SVEP1: variants seen among roughly 807,000 people sequenced by gnomAD.
SVEP1 encodes the protein sushi, von Willebrand factor type A, EGF and pentraxin domain-containing protein 1.
In SVEP1, 164 loss-of-function variants were observed where a neutral mutation model predicts 367.3. That is an observed-to-expected ratio of 0.45 (90% CI 0.39 to 0.51). SVEP1 has a LOEUF of 0.51. SVEP1 is among the 20% of genes least tolerant of loss of function. The pLI is 0.00. For missense variants in SVEP1, 4,117 were observed against 4,425.3 expected, an observed-to-expected ratio of 0.93 and a Z score of 1.98; for synonymous variants, 1,666 against 1,611.6, an observed-to-expected ratio of 1.03 and a Z score of -0.81.
intron 1 of SVEP1, among the ~76,000 whole-genome samples, chr9:110,554,222 T>C (rs1294752218): frequency 6.6e-6 from 1 of 152,194 alleles, no homozygotes; most frequent in Non-Finnish European, 1.5e-5. Context: ...TTTTTCTCTC[T>C]ATTAAAATGT....
At position 110,472,176 on chromosome 9, in the gene SVEP1, A is replaced by G. The variant is rs202197266; in HGVS notation, c.2747T>C (p.Leu916Ser). Residue 916 changes from leucine (L) to serine (S), a missense_variant, in exon 15 of 48, where the codon TTA becomes TCA. Leu to Ser is a moderately radical substitution (Grantham distance 145). Transcript: ENST00000374469. The stretch of plus-strand genomic sequence containing the variant: ...ATCCTTACCTGTGATGTTAAAAATT[A>G]ACTTAATTTTATAGTCAGATAATGG... Reference protein sequence around the residue: ...SAPLSDYKIKLIFNITASVPL... With the variant: ...SAPLSDYKIKSIFNITASVPL... 2.6e-5 allele frequency: 42 copies of G among 1,611,078 alleles called. No individual in the cohort carries two copies. In the African/African-American group the frequency reaches 5.2e-4, roughly 20 times the overall value.
intron 18 of SVEP1, among the ~76,000 whole-genome samples, chr9:110,461,204 T>C (rs1828852520): frequency 6.6e-6 from 1 of 152,176 alleles, no homozygotes; most frequent in Non-Finnish European, 1.5e-5. Context: ...TCCTCCATGA[T>C]GTTTTGTTGC....
chr9:110,424,318 A>C (rs1164851357), intron 36 of SVEP1, among the ~76,000 whole-genome samples: 3 of 151,134 alleles, frequency 2.0e-5, no homozygotes, highest in Middle Eastern at 6.8e-3. Context: ...AAATAAATTC[A>C]GTTGATTTAC....
Position 110,411,119 on chromosome 9 carries a change from T to C in SVEP1, c.6592A>G (p.Thr2198Ala). Residue 2198 changes from threonine to alanine, a missense_variant, in exon 37 of 48, where the codon ACG becomes GCG. Physicochemically the swap from Thr to Ala is moderately conservative, Grantham distance 58. Coordinates refer to ENST00000374469, the MANE Select transcript of SVEP1 (RefSeq NM_153366.4). ...TCACCACAAGATACCGGGTGGCACG[T>C]CGGTATAGGACTACTCCACTGCCCT... is the stretch of plus-strand genomic sequence containing the variant. ...ATGQWSSPIP[T>A]CHPVSCGEPP... The C allele has an allele frequency of 6.2e-7, 1 of 1,611,110 alleles. No homozygotes were observed. The highest frequency in any genetic ancestry group is 8.5e-7 in the Non-Finnish European group (1 of 1,178,346).
chr9:110,375,392 A>T lies in SVEP1; in HGVS notation c.10576T>A (p.Trp3526Arg). Residue 3526 changes from tryptophan (W) to arginine (R), a missense_variant, in exon 46 of 48, where the codon TGG (tryptophan) becomes AGG (arginine). Transcript: ENST00000374469. ...CCTGTATGACAGCGAGACCCCGTCCAGCCAGGCGGGCAGTCACACTGGTAA... is the reference window on the plus strand; with the variant it reads ...CCTGTATGACAGCGAGACCCCGTCCTGCCAGGCGGGCAGTCACACTGGTAA... Reference protein sequence around the residue: ...APYQCDCPPGWTGSRCHTAVC... With the variant: ...APYQCDCPPGRTGSRCHTAVC... 1 of 1,520,950 alleles carries T rather than the reference A, an allele frequency of 6.6e-7. No homozygotes were observed. The allele number at this position is 1,520,950 out of a possible 1,614,324, so 94.2% of individuals were successfully genotyped here.
intron 6 of SVEP1, 58 bp from the exon 7 acceptor site, chr9:110,499,296 G>T: frequency 6.7e-7 from 1 of 1,500,576 alleles, no homozygotes; most frequent in Non-Finnish European, 9.1e-7. Context: ...GAAATGCCAT[G>T]GATTCTTTTT....
intron 3 of SVEP1, among the ~76,000 whole-genome samples, chr9:110,545,694 T>C (rs1830211400): frequency 6.6e-6 from 1 of 152,148 alleles, no homozygotes; most frequent in East Asian, 1.9e-4. Flanking sequence ...TTAGACTAAT[T>C]ACAAAGACCC....
Position 110,432,615 on chromosome 9 carries a change from G to A in SVEP1, c.5080C>T (p.Pro1694Ser), listed in dbSNP as rs1828368079. The change falls in exon 31 of 48, where the codon CCT (proline) becomes TCT (serine). Residue 1694 changes from proline (P) to serine (S), a missense_variant. Around this residue, in one of 4 missense-constraint regions of SVEP1, gnomAD observed 2,174 missense variants for 2,494.3 expected, o/e 0.87. Coordinates refer to ENST00000374469, the MANE Select transcript of SVEP1 (RefSeq NM_153366.4). Reference sequence around the variant, plus strand: ...GAATGGAAGCCATTCTCCAAAGGAGGTGGCACCCCACAGCTAATGCCTGTA... The same window carrying A: ...GAATGGAAGCCATTCTCCAAAGGAGATGGCACCCCACAGCTAATGCCTGTA... ...HCERISCGVP[P>S]PLENGFHSAD... 12 of 1,613,030 alleles carry A rather than the reference G, an allele frequency of 7.4e-6. No homozygotes were observed. Among genetic ancestry groups the A allele is most frequent in the Non-Finnish European group, 8.5e-6 (10 of 1,179,484 alleles).
intron 6 of SVEP1, among the ~76,000 whole-genome samples, chr9:110,501,221 A>T (rs950445188): frequency 6.7e-6 from 1 of 149,766 alleles, no homozygotes; most frequent in Non-Finnish European, 1.5e-5. Context: ...AACATTTTGA[A>T]AACATTTTAT....
At position 110,366,385 on chromosome 9, in the gene SVEP1, A is replaced by T; in HGVS notation, c.*154T>A. 1.7e-6 allele frequency: 1 copy of T among 605,166 alleles called. No individual in the cohort carries two copies. The highest frequency in any genetic ancestry group is 2.6e-6 in the Non-Finnish European group (1 of 390,906). 37.5% of individuals were successfully genotyped at this position (605,166 alleles called of 1,614,324 possible). On this transcript the variant is annotated 3_prime_UTR_variant, in exon 48 of 48. Coordinates refer to ENST00000374469, the MANE Select transcript of SVEP1 (RefSeq NM_153366.4). Reference sequence around the variant, plus strand: ...AGTATGTCACAAGGAATAACAAAATATATCACAAAATAAAAAAAGTAACCC... The same window carrying T: ...AGTATGTCACAAGGAATAACAAAATTTATCACAAAATAAAAAAAGTAACCC...
chr9:110,567,048 C>T (rs939002945), intron 1 of SVEP1, among the ~76,000 whole-genome samples: 2 of 152,142 alleles, frequency 1.3e-5, no homozygotes, highest in African/African-American at 4.8e-5. Flanking sequence ...TGAGATGTTA[C>T]AACTATTTTG....
intron 3 of SVEP1, among the ~76,000 whole-genome samples, chr9:110,529,495 A>G (rs1014541264): frequency 6.6e-6 from 1 of 152,136 alleles, no homozygotes; most frequent in African/African-American, 2.4e-5. Context: ...ATTAATAAGC[A>G]TCGGATGTTC....
intron 1 of SVEP1, among the ~76,000 whole-genome samples, chr9:110,576,814 G>T (rs1046159258): frequency 6.6e-6 from 1 of 152,062 alleles, no homozygotes; most frequent in Non-Finnish European, 1.5e-5. Flanking sequence ...AAATGTATGT[G>T]TATAAAGAAT....
At chr9:110,389,778 T>G (rs1023568138) in intron 40 of SVEP1, among the ~76,000 whole-genome samples, 191 bp from the exon 41 acceptor site, 1 of 152,046 alleles carries the variant, frequency 6.6e-6, no homozygotes, top group Non-Finnish European at 1.5e-5. Flanking sequence ...TGCTTCAAAA[T>G]TCACACTCTG....
chr9:110,469,979 C>CTAG (rs1322152950), intron 16 of SVEP1, among the ~76,000 whole-genome samples: 2 of 152,200 alleles, frequency 1.3e-5, no homozygotes, highest in African/African-American at 4.8e-5. Flanking sequence ...CAACGGAGCT[C>CTAG]TTGGACTAGC....
chr9:110,566,621 G>T (rs1830497490), intron 1 of SVEP1, among the ~76,000 whole-genome samples: 1 of 152,154 alleles, frequency 6.6e-6, no homozygotes, highest in Non-Finnish European at 1.5e-5. Flanking sequence ...CATGGGATTA[G>T]GGAAAACTGT....
chr9:110,521,295 T>G (rs1829872301), intron 3 of SVEP1, among the ~76,000 whole-genome samples: 1 of 152,214 alleles, frequency 6.6e-6, no homozygotes, highest in Non-Finnish European at 1.5e-5. Context: ...ATTAGCAGCC[T>G]GTCGTTCTCC....
At position 110,404,190 on chromosome 9, in the gene SVEP1, G is replaced by T. The variant is rs1588036304; in HGVS notation, c.9666+137C>A. 3.7e-6 allele frequency: 3 copies of T among 814,622 alleles called. No individual in the cohort carries two copies. In the East Asian group the frequency reaches 7.5e-5, roughly 20 times the overall value. 50.5% of individuals were successfully genotyped at this position (814,622 alleles called of 1,614,324 possible). ...TACATTTTACTATATTTTCTACCAAGAAACTTTTCAAATCCTTTGAAATGA... is the reference window on the plus strand; with the variant it reads ...TACATTTTACTATATTTTCTACCAATAAACTTTTCAAATCCTTTGAAATGA... On this transcript the variant is annotated intron_variant, in intron 39 of 47. Coordinates refer to ENST00000374469, the MANE Select transcript of SVEP1 (RefSeq NM_153366.4).
intron 5 of SVEP1, among the ~76,000 whole-genome samples, chr9:110,503,884 T>C (rs926632651): frequency 5.9e-5 from 9 of 152,144 alleles, no homozygotes; most frequent in Non-Finnish European, 1.0e-4. Context: ...GCCCACCCAA[T>C]AGCCATTCTC....
Sources: gnomAD v4.1 joint callset for allele counts (sites outside exome capture counted in the v4.1 genomes callset) on GRCh38, gnomAD v4.1.1 for gene constraint, gnomAD v4.1.1 regional missense constraint, MANE v1.5 for transcripts, NCBI Gene and HGNC (gene_info 2026-07-23, HGNC 2026-07-21) for gene names.